RILPL1: variants seen among roughly 807,000 people sequenced by gnomAD.
RILPL1 encodes the protein RILP-like protein 1.
In RILPL1, 33 loss-of-function variants were observed where a neutral mutation model predicts 50.3. The ratio of observed to expected loss-of-function variants is 0.66; its 90% confidence interval spans 0.50 to 0.88. The LOEUF (loss-of-function observed/expected upper bound fraction) is 0.88, where lower values mean the gene tolerates loss of function less well. RILPL1 is among the 40% of genes least tolerant of loss of function. The pLI, the probability that RILPL1 is intolerant of heterozygous loss-of-function variation, is 0.00. For synonymous variants in RILPL1, 205 were observed against 228.6 expected, an observed-to-expected ratio of 0.90 and a Z score of 0.93; for missense variants, 418 against 542.5, an observed-to-expected ratio of 0.77 and a Z score of 2.28.
At chr12:123,486,028 G>A (rs1399828609) in intron 4 of RILPL1, among the ~76,000 whole-genome samples, 6 of 152,140 alleles carry the variant, frequency 3.9e-5, no homozygotes, top group Middle Eastern at 3.4e-3. Context: ...CCCAATAGCC[G>A]AACCCACGGA....
rs1331458439 is a variant in RILPL1 at position 123,523,644 on chromosome 12, T to A, written c.311A>T (p.Glu104Val). Reference sequence around the variant, plus strand: ...CCACACATCCTCCACCAGCTCCAGCTCCTGCCAAGGCAAGGGGACAGCATG... The same window carrying A: ...CCACACATCCTCCACCAGCTCCAGCACCTGCCAAGGCAAGGGGACAGCATG... ...RIEKERKHQK[E>V]LELVEDVWRG... Residue 104 changes from glutamate to valine, a missense_variant and splice_region_variant, in exon 2 of 7, where the codon GAG (glutamate) becomes GTG (valine). Coordinates refer to ENST00000376874, the MANE Select transcript of RILPL1 (RefSeq NM_178314.5). 1 of 1,612,946 alleles carries A rather than the reference T, an allele frequency of 6.2e-7. No individual in the cohort carries two copies. The highest frequency in any genetic ancestry group is 8.5e-7 in the Non-Finnish European group (1 of 1,179,714).
chr12:123,532,137 A>C (rs538230697), intron 1 of RILPL1, among the ~76,000 whole-genome samples: 1 of 152,360 alleles, frequency 6.6e-6, no homozygotes, highest in African/African-American at 2.4e-5. Context: ...TGAGGTTCAG[A>C]GAGGCCATCT....
At chr12:123,504,323 C>T (rs945608136) in intron 2 of RILPL1, among the ~76,000 whole-genome samples, 3 of 151,884 alleles carry the variant, frequency 2.0e-5, no homozygotes, top group South Asian at 4.2e-4. Context: ...GCATGACTTT[C>T]CCCCCCGGGT....
intron 1 of RILPL1, among the ~76,000 whole-genome samples, chr12:123,525,897 C>G (rs562888378): frequency 6.7e-6 from 1 of 149,238 alleles, no homozygotes; most frequent in East Asian, 1.9e-4. Flanking sequence ...ATTGATAAAG[C>G]TGGTAGCCCT....
intron 2 of RILPL1, among the ~76,000 whole-genome samples, chr12:123,510,446 G>T (rs1884025666): frequency 6.7e-6 from 1 of 148,816 alleles, no homozygotes; most frequent in Non-Finnish European, 1.5e-5. Flanking sequence ...TGTGAGGTCT[G>T]TGTGTGTGAA....
chr12:123,507,941 CAAAAAAAAAAA>C (rs1883854694), intron 2 of RILPL1, among the ~76,000 whole-genome samples: 1 of 45,594 alleles, frequency 2.2e-5, no homozygotes, highest in Non-Finnish European at 4.1e-5. Context: ...AACTCCATCT[CAAAAAAAAAAA>C]GAAAAAAAAA....
chr12:123,480,141 T>C (rs1593534110), intron 6 of RILPL1, among the ~76,000 whole-genome samples: 1 of 149,644 alleles, frequency 6.7e-6, no homozygotes, highest in South Asian at 2.1e-4. Flanking sequence ...AAAGTGAAGG[T>C]GCTAGAAAGG....
chr12:123,499,209 A>C (rs1304435932), intron 3 of RILPL1, among the ~76,000 whole-genome samples: 1 of 152,154 alleles, frequency 6.6e-6, no homozygotes, highest in Non-Finnish European at 1.5e-5. Context: ...GAGCCTGCTC[A>C]CCGGGCAGTG....
intron 1 of RILPL1, among the ~76,000 whole-genome samples, chr12:123,523,880 A>G (rs976534874): frequency 7.9e-5 from 12 of 152,214 alleles, no homozygotes; most frequent in African/African-American, 2.4e-4. Flanking sequence ...CTCAGTTAGA[A>G]CTGCCCCCAA....
intron 4 of RILPL1, among the ~76,000 whole-genome samples, chr12:123,493,004 G>A (rs940327930): frequency 6.6e-6 from 1 of 152,192 alleles, no homozygotes; most frequent in Non-Finnish European, 1.5e-5. Context: ...AGACCTGACT[G>A]TCCCCCAGCC....
intron 6 of RILPL1, among the ~76,000 whole-genome samples, chr12:123,476,396 G>A (rs1195664211): frequency 2.0e-5 from 3 of 148,444 alleles, no homozygotes; most frequent in African/African-American, 7.5e-5. Flanking sequence ...AGCCGAGATC[G>A]CGCCATTGCA....
intron 2 of RILPL1, among the ~76,000 whole-genome samples, chr12:123,512,456 GTA>G (rs1210200619): frequency 2.2e-4 from 30 of 137,000 alleles, no homozygotes; most frequent in African/African-American, 5.6e-4. Flanking sequence ...TGTGAGGTCT[GTA>G]TGTGTGTGTG....
intron 6 of RILPL1, among the ~76,000 whole-genome samples, chr12:123,476,368 G>A (rs1292150136): frequency 6.8e-6 from 1 of 147,736 alleles, no homozygotes; most frequent in Non-Finnish European, 1.5e-5. Context: ...CTGAACCTGG[G>A]AGGTGGAGGT....
chr12:123,528,490 C>T (rs906820695), intron 1 of RILPL1, among the ~76,000 whole-genome samples: 2 of 148,718 alleles, frequency 1.3e-5, no homozygotes, highest in African/African-American at 4.9e-5. Context: ...TGCAGTGGTG[C>T]GATCTCGGCT....
Position 123,485,663 on chromosome 12 carries a change from A to G in RILPL1, c.944T>C (p.Leu315Ser). The G allele has an allele frequency of 1.9e-6, 3 of 1,613,824 alleles. No homozygotes were observed. Among genetic ancestry groups the G allele is most frequent in the Non-Finnish European group, 2.5e-6 (3 of 1,179,802 alleles). ...ERNELKSKVF[L>S]LQEELAYYKS... Reference sequence around the variant, plus strand: ...ATAGTAAGCCAGCTCCTCCTGCAGCAAGAACACCTTGGACTTGAGCTCGTT... The same window carrying G: ...ATAGTAAGCCAGCTCCTCCTGCAGCGAGAACACCTTGGACTTGAGCTCGTT... The change falls in exon 5 of 7, where the codon TTG becomes TCG. Residue 315 changes from leucine (L) to serine (S), a missense_variant. Coordinates refer to ENST00000376874, the MANE Select transcript of RILPL1 (RefSeq NM_178314.5). This position sits in a 1 kb window ranked among gnomAD's most constrained non-coding sequence, Gnocchi z 4.0.
chr12:123,484,778 T>G, intron 5 of RILPL1: 1 of 226,952 alleles, frequency 4.4e-6, no homozygotes, highest in Non-Finnish European at 8.9e-6. Context: ...TGCTTCAGCC[T>G]CCCAAGTGGC....
At chr12:123,512,115 A>T (rs1217668024) in intron 2 of RILPL1, among the ~76,000 whole-genome samples, 202 of 19,536 alleles carry the variant, frequency 0.01, no homozygotes, top group African/African-American at 0.014. Flanking sequence ...GTGGTGTGTG[A>T]GGTTTGTGTG....
rs1426607651 is a variant in RILPL1, at chr12:123,498,502, C to G, written c.801+42G>C. The stretch of plus-strand genomic sequence containing the variant: ...TGCCTGCCTTAAGCCAACCCCCAGA[C>G]TGACCCTCTGCTACCACCTCTGCAC... On this transcript the variant is annotated intron_variant, in intron 4 of 6. Coordinates refer to ENST00000376874, the MANE Select transcript of RILPL1 (RefSeq NM_178314.5). The surrounding 1 kb of genome is among the most constrained non-coding windows in gnomAD (Gnocchi z 4.3). The G allele has an allele frequency of 6.3e-7, 1 of 1,581,594 alleles. No individual in the cohort carries two copies. Among genetic ancestry groups the G allele is most frequent in the East Asian group, 2.2e-5 (1 of 44,656 alleles).
intron 1 of RILPL1, among the ~76,000 whole-genome samples, chr12:123,525,577 T>C (rs1030899127): frequency 6.6e-6 from 1 of 151,242 alleles, no homozygotes; most frequent in African/African-American, 2.4e-5. Flanking sequence ...GGCAGACACC[T>C]GTAATCCCAG....
Sources: allele counts gnomAD v4.1 joint callset (sites outside exome capture counted in the v4.1 genomes callset), GRCh38; gene constraint gnomAD v4.1.1; non-coding constraint Gnocchi (gnomAD v3.1); transcripts MANE v1.5; gene names NCBI Gene and HGNC (gene_info 2026-07-23, HGNC 2026-07-21).